Variants in DOCK4 observed in about 807,000 individuals in gnomAD.
DOCK4 encodes the protein dedicator of cytokinesis 4, also known as dedicator of cytokinesis protein 4.
A neutral mutation model predicts 268.1 loss-of-function variants in DOCK4; 97 were observed. The ratio of observed to expected loss-of-function variants is 0.36; its 90% CI spans 0.31 to 0.43. The LOEUF is 0.43. Ranked by LOEUF, DOCK4 falls within the 20% of genes least tolerant of loss-of-function variation. The pLI is 1.00. For missense variants in DOCK4, 2,145 were observed against 2,455.7 expected (o/e 0.87, Z 2.67); for synonymous variants, 954 against 887.2 (o/e 1.08, Z -1.34).
At chr7:111,954,728 C>T (rs961419001) in intron 8 of DOCK4, among the ~76,000 whole-genome samples, 9 of 152,182 alleles carry the variant, frequency 5.9e-5, no homozygotes, top group African/African-American at 2.2e-4. Context: ...CCTGCCCCGT[C>T]CTCACATGGG....
chr7:112,082,536 G>A (rs58642900), intron 1 of DOCK4, among the ~76,000 whole-genome samples: 3 of 152,034 alleles, frequency 2.0e-5, no homozygotes, highest in African/African-American at 7.3e-5. Flanking sequence ...AATAAATTTC[G>A]TAATTGTTGT....
At chr7:111,968,754 T>A (rs1480971474) in intron 8 of DOCK4, among the ~76,000 whole-genome samples, 1 of 105,542 alleles carries the variant, frequency 9.5e-6, no homozygotes, top group African/African-American at 5.3e-5. Flanking sequence ...TAAAGACACA[T>A]GCACACGTAT....
chr7:112,077,034 T>C (rs750403043), intron 1 of DOCK4, among the ~76,000 whole-genome samples: 9 of 151,932 alleles, frequency 5.9e-5, no homozygotes, highest in Non-Finnish European at 8.8e-5. Flanking sequence ...CAGTATAAAG[T>C]CAAAATGGGA....
At chr7:112,066,714 T>C (rs181888666) in intron 1 of DOCK4, among the ~76,000 whole-genome samples, 3 of 90,552 alleles carry the variant, frequency 3.3e-5, no homozygotes, top group East Asian at 3.0e-4. Context: ...TATATATATA[T>C]ATATATATAT....
intron 1 of DOCK4, among the ~76,000 whole-genome samples, chr7:112,105,014 T>G (rs1187262507): frequency 1.3e-5 from 2 of 152,208 alleles, no homozygotes; most frequent in Non-Finnish European, 2.9e-5. Context: ...TAAAGACTAC[T>G]AGCTTAATAT....
At chr7:112,133,716 T>C (rs566429604) in intron 1 of DOCK4, among the ~76,000 whole-genome samples, 128 of 151,916 alleles carry the variant, frequency 8.4e-4, no homozygotes, top group African/African-American at 3.0e-3. Context: ...TGAGACCCTG[T>C]CTCAAAAAAA....
rs1486670861 is a variant in DOCK4 at position 111,823,226 on chromosome 7, T to TA, written c.2836-771dup. ...TTACTTTTTTTTTTTTTTTTTTTTT[T>TA]AGACGGAGTCTTGCTCTGTCGCCAG... On this transcript the variant is annotated intron_variant, in intron 26 of 52. Transcript: ENST00000428084. Among the ~76,000 whole-genome samples the TA allele has an allele frequency of 2.3e-4, 34 of 149,234 alleles. 1 individual carries two copies. Among genetic ancestry groups the TA allele is most frequent in the African/African-American group, 7.1e-4 (29 of 40,678 alleles).
intron 12 of DOCK4, among the ~76,000 whole-genome samples, chr7:111,929,555 T>C (rs1794026131): frequency 2.0e-5 from 3 of 152,320 alleles, no homozygotes; most frequent in African/African-American, 4.8e-5. Flanking sequence ...CAAATTCTTA[T>C]GAATTATACC....
intron 1 of DOCK4, among the ~76,000 whole-genome samples, chr7:112,022,596 A>G (rs952682207): frequency 1.3e-5 from 2 of 152,154 alleles, no homozygotes; most frequent in Admixed American, 1.3e-4. Context: ...CAGACTGTAA[A>G]ATTTGGGTAA....
intron 1 of DOCK4, among the ~76,000 whole-genome samples, chr7:112,154,054 C>T (rs1816360258): frequency 6.6e-6 from 1 of 152,152 alleles, no homozygotes; most frequent in Admixed American, 6.5e-5. Flanking sequence ...TCACTGCAAC[C>T]TTGACCTCCC....
At chr7:111,797,767 A>C (rs73715252) in intron 30 of DOCK4, among the ~76,000 whole-genome samples, 12,094 of 152,228 alleles carry the variant, frequency 0.079, 1,041 homozygotes, top group African/African-American at 0.21. Flanking sequence ...TAATAGACCA[A>C]AAGACAGATA....
In DOCK4 at chr7:112,000,602, A is replaced by C. The variant is rs544763752; in HGVS notation, c.122-68T>G. ...AATATTTTAAAGATAATAACAAATC[A>C]ATCTGTTCTTTGCCGATGGAATTTT... On this transcript the variant is annotated intron_variant, in intron 2 of 52. Transcript: ENST00000428084. 1.2e-4 allele frequency: 142 copies of C among 1,192,666 alleles called. 1 individual carries two copies. In the African/African-American group the frequency reaches 1.9e-3, roughly 16 times the overall value. 73.9% of individuals were successfully genotyped at this position (1,192,666 alleles called of 1,614,324 possible).
chr7:111,879,229 G>A (rs1308029271), intron 16 of DOCK4, among the ~76,000 whole-genome samples: 1 of 151,912 alleles, frequency 6.6e-6, no homozygotes, highest in Non-Finnish European at 1.5e-5. Flanking sequence ...GGGCCAAAAG[G>A]GAGCCAACTT....
At chr7:111,736,799 G>T in intron 50 of DOCK4, 118 bp downstream of exon 50, 1 of 875,136 alleles carries the variant, frequency 1.1e-6, no homozygotes, top group Non-Finnish European at 1.9e-6. Context: ...GAGCATACTA[G>T]TCCTGATCAT....
chr7:111,821,391 T>C (rs1441427872), intron 27 of DOCK4: 2 of 152,078 alleles, frequency 1.3e-5, no homozygotes, highest in African/African-American at 4.8e-5. Context: ...ACAATGCTAA[T>C]GAAATAGGGT....
chr7:111,831,413 A>C (rs1802800469), intron 26 of DOCK4, among the ~76,000 whole-genome samples: 1 of 151,828 alleles, frequency 6.6e-6, no homozygotes, highest in Non-Finnish European at 1.5e-5. Flanking sequence ...TTAGGTTACT[A>C]CCTAAAATCT....
At chr7:111,962,907 G>A (rs931105673) in intron 8 of DOCK4, among the ~76,000 whole-genome samples, 8 of 152,232 alleles carry the variant, frequency 5.3e-5, no homozygotes, top group East Asian at 3.9e-4. Context: ...ACTTTTTCCA[G>A]AAGTACTACC....
At chr7:111,806,888 AG>A (rs1800715372) in intron 30 of DOCK4, among the ~76,000 whole-genome samples, 1 of 152,240 alleles carries the variant, frequency 6.6e-6, no homozygotes, top group Non-Finnish European at 1.5e-5. Context: ...AAAACAGAGA[AG>A]CAATTTAACA....
chr7:111,984,117 T>C (rs1393410131), intron 7 of DOCK4, among the ~76,000 whole-genome samples, 189 bp downstream of exon 7: 13 of 152,158 alleles, frequency 8.5e-5, no homozygotes, highest in Non-Finnish European at 1.3e-4. Flanking sequence ...GAGAGTATCA[T>C]GTTATTCTTA....
Sources: gnomAD v4.1 joint callset for allele counts (sites outside exome capture counted in the v4.1 genomes callset) on GRCh38, gnomAD v4.1.1 for gene constraint, MANE v1.5 for transcripts, NCBI Gene and HGNC (gene_info 2026-07-23, HGNC 2026-07-21) for gene names.